The following GASK1B variants were observed in gnomAD, a reference collection of about 807,000 sequenced individuals.
GASK1B encodes Golgi-associated kinase 1B.
GASK1B carries 34 observed loss-of-function variants against 42.8 expected under a neutral mutation model. That is an observed-to-expected ratio of 0.79 (90% CI 0.60 to 1.06). GASK1B has a LOEUF of 1.06. Ranked by LOEUF, GASK1B falls within the 50% of genes least tolerant of loss-of-function variation. The pLI is 0.00. For missense variants in GASK1B, 686 were observed against 661.0 expected (o/e 1.04, Z -0.42); for synonymous variants, 262 against 259.1 (o/e 1.01, Z -0.11).
intron 3 of GASK1B, among the ~76,000 whole-genome samples, chr4:158,142,329 A>G (rs1423919044): frequency 6.6e-6 from 1 of 152,172 alleles, no homozygotes; most frequent in African/African-American, 2.4e-5. Context: ...TATAATCTCT[A>G]CCACTAAAGG....
intron 2 of GASK1B, among the ~76,000 whole-genome samples, chr4:158,165,904 A>G (rs1451559730): frequency 1.3e-5 from 2 of 152,204 alleles, no homozygotes; most frequent in Non-Finnish European, 2.9e-5. Context: ...TATAATAGAC[A>G]ACACACATCA....
intron 2 of GASK1B, among the ~76,000 whole-genome samples, chr4:158,167,832 A>G (rs1229249942): frequency 6.6e-6 from 1 of 152,194 alleles, no homozygotes; most frequent in Admixed American, 6.5e-5. Flanking sequence ...AAATAAAGTC[A>G]AACTCTGACC....
At position 158,133,296 on chromosome 4, in the gene GASK1B, TA is replaced by T. The variant is rs1263106133; in HGVS notation, c.1126-2285del. On this transcript the variant is annotated intron_variant, in intron 3 of 4. Coordinates refer to ENST00000585682, the MANE Select transcript of GASK1B (RefSeq NM_001128424.2). Reference sequence around the variant, plus strand: ...TATCTAGTTACATTAACATTAAAAATAAAAAAACTTAAATCTTATTTAATTT... The same window carrying T: ...TATCTAGTTACATTAACATTAAAAATAAAAAACTTAAATCTTATTTAATTT... 2.6e-5 allele frequency among the ~76,000 whole-genome samples: 4 copies of T among 152,156 alleles called. 1 individual carries two copies. In the South Asian group the frequency reaches 8.3e-4, roughly 31 times the overall value.
intron 3 of GASK1B, among the ~76,000 whole-genome samples, chr4:158,154,713 G>A (rs112053653): frequency 0.017 from 2,607 of 152,198 alleles, 61 homozygotes; most frequent in African/African-American, 0.058. Flanking sequence ...GCAGCAACCT[G>A]GATAAAATTG....
At position 158,155,807 on chromosome 4, in the gene GASK1B, A is replaced by T; in HGVS notation, c.929T>A (p.Ile310Asn). The change falls in exon 3 of 5, where the codon ATC becomes AAC. Residue 310 changes from isoleucine (I) to asparagine (N), a missense_variant. Coordinates refer to ENST00000585682, the MANE Select transcript of GASK1B (RefSeq NM_001128424.2). ...AGATAAAGATGCATCCCAAAGAATG[A>T]TGGGGCATGGGCGGCCATCTATAGA... is the stretch of plus-strand genomic sequence containing the variant. The part of the protein sequence containing the change: ...EFIQDGRPCP[I>N]ILWDASLSSA... 4 of 1,613,728 alleles carry T rather than the reference A, an allele frequency of 2.5e-6. No individual in the cohort carries two copies. The highest frequency in any genetic ancestry group is 1.3e-5 in the African/African-American group (1 of 75,024).
chr4:158,170,197 G>C (rs758703457), intron 2 of GASK1B: 2 of 1,593,736 alleles, frequency 1.3e-6, no homozygotes, highest in Admixed American at 3.4e-5. Context: ...AAGCCACTGG[G>C]AAGTGAAGCG....
chr4:158,129,844 G>A (rs1730611281), intron 4 of GASK1B, among the ~76,000 whole-genome samples: 5 of 152,184 alleles, frequency 3.3e-5, no homozygotes, highest in Non-Finnish European at 5.9e-5. Context: ...TGACTAAGAT[G>A]GGAAGTATGG....
chr4:158,150,853 T>C (rs1232772241), intron 3 of GASK1B, among the ~76,000 whole-genome samples: 1 of 152,198 alleles, frequency 6.6e-6, no homozygotes, highest in Non-Finnish European at 1.5e-5. Context: ...TACTCCCCAG[T>C]TCAGTCCTTG....
chr4:158,146,586 G>T (rs1034119654), intron 3 of GASK1B, among the ~76,000 whole-genome samples: 1 of 152,028 alleles, frequency 6.6e-6, no homozygotes, highest in African/African-American at 2.4e-5. Flanking sequence ...TACAGATGAG[G>T]ACACCAATGC....
chr4:158,149,924 T>TTTTTTTTTTC (rs1731486872), intron 3 of GASK1B, among the ~76,000 whole-genome samples: 1 of 40,140 alleles, frequency 2.5e-5, no homozygotes, highest in African/African-American at 7.3e-5. Flanking sequence ...TGCATGCTGC[T>TTTTTTTTTTC]TTTTTTTTTT....
intron 3 of GASK1B, among the ~76,000 whole-genome samples, chr4:158,141,752 G>A (rs926449815): frequency 1.4e-4 from 21 of 149,194 alleles, no homozygotes; most frequent in African/African-American, 4.7e-4. Context: ...GACTGCAGGC[G>A]CCCACCACCA....
intron 2 of GASK1B, among the ~76,000 whole-genome samples, chr4:158,166,518 C>T (rs7678302): frequency 0.13 from 19,354 of 152,188 alleles, 1,378 homozygotes; most frequent in African/African-American, 0.17. Context: ...ATATCCATTT[C>T]ATAATTACTT....
In GASK1B at chr4:158,170,689, G is replaced by GTC; in HGVS notation, c.685_686dup (p.Asp229GlufsTer47). The GTC allele has an allele frequency of 6.2e-7, 1 of 1,614,170 alleles. No homozygotes were observed. The highest frequency in any genetic ancestry group is 8.5e-7 in the Non-Finnish European group (1 of 1,180,050). The stretch of plus-strand genomic sequence containing the variant: ...CAGGCCGGAGCCCTGCCACTGCGCT[G>GTC]TCCGCCAAGAGTCGCATTCTTCGGA... On this transcript the variant is annotated frameshift_variant, in exon 2 of 5. Transcript: ENST00000585682. LOFTEE classifies it high-confidence loss of function.
At chr4:158,156,193 G>A (rs1203962523) in intron 2 of GASK1B, among the ~76,000 whole-genome samples, 3 of 152,164 alleles carry the variant, frequency 2.0e-5, no homozygotes, top group African/African-American at 4.8e-5. Flanking sequence ...ATTTATAATT[G>A]TCTATTCAAT....
intron 3 of GASK1B, among the ~76,000 whole-genome samples, chr4:158,136,800 C>T (rs1033224686): frequency 1.3e-5 from 2 of 152,126 alleles, no homozygotes; most frequent in Non-Finnish European, 2.9e-5. Flanking sequence ...AAGAAGAATG[C>T]ATATCAGAGA....
rs1730469360 is a variant in GASK1B, at chr4:158,126,795, T to C, written c.*612A>G. ...AAAAAGGAATGGAAAATATGATTCT[T>C]GTACTTAAATGACTGATTTTTTATA... On this transcript the variant is annotated 3_prime_UTR_variant, in exon 5 of 5. Coordinates refer to ENST00000585682, the MANE Select transcript of GASK1B (RefSeq NM_001128424.2). 6.6e-6 allele frequency: 1 copy of C among 152,176 alleles called. No homozygotes were observed. Among genetic ancestry groups the C allele is most frequent in the Non-Finnish European group, 1.5e-5 (1 of 68,006 alleles). The allele number at this position is 152,176 out of a possible 1,614,324, so 9.4% of individuals were successfully genotyped here. A position where few individuals can be genotyped will look rare whatever the true frequency, so the allele number is the denominator to read the frequency against.
In GASK1B at chr4:158,170,434, G is replaced by A. The variant is rs375716142; in HGVS notation, c.910+32C>T. ...AGAAAATGAACCAGAATCCCCAACA[G>A]CTGCAAATAACGAAGCATGTGAATC... On this transcript the variant is annotated intron_variant, in intron 2 of 4. Coordinates refer to ENST00000585682, the MANE Select transcript of GASK1B (RefSeq NM_001128424.2). 1.8e-4 allele frequency: 284 copies of A among 1,614,178 alleles called. 1 individual carries two copies. In the African/African-American group the frequency reaches 3.3e-3, roughly 19 times the overall value.
At chr4:158,134,660 G>A (rs543804301) in intron 3 of GASK1B, among the ~76,000 whole-genome samples, 42 of 152,182 alleles carry the variant, frequency 2.8e-4, no homozygotes, top group African/African-American at 9.4e-4. Context: ...AAACCCAGGT[G>A]TTCCAGCCAA....
chr4:158,171,368 C>G lies in GASK1B; in HGVS notation c.8G>C (p.Cys3Ser). Residue 3 changes from cysteine to serine, a missense_variant, in exon 2 of 5, where the codon TGT (cysteine) becomes TCT (serine). By Grantham distance (112) the Cys-to-Ser change is moderately radical. Coordinates refer to ENST00000585682, the MANE Select transcript of GASK1B (RefSeq NM_001128424.2). MTCPDKPGQLINW... is the reference protein window; with the variant it reads MTSPDKPGQLINW... The stretch of plus-strand genomic sequence containing the variant: ...TATGAGCTGCCCCGGCTTGTCTGGA[C>G]AGGTCATTTCTCTGCCGCATCCACA... 6.4e-7 allele frequency: 1 copy of G among 1,563,808 alleles called. No homozygotes were observed. The highest frequency in any genetic ancestry group is 8.7e-7 in the Non-Finnish European group (1 of 1,151,476).
Sources: gnomAD v4.1 joint callset for allele counts (sites outside exome capture counted in the v4.1 genomes callset) on GRCh38, gnomAD v4.1.1 for gene constraint, MANE v1.5 for transcripts, NCBI Gene and HGNC (gene_info 2026-07-23, HGNC 2026-07-21) for gene names.